Variants in HS3ST5 observed in about 807,000 individuals in gnomAD.
HS3ST5 encodes the protein heparan sulfate-glucosamine 3-sulfotransferase 5, also known as heparan sulfate glucosamine 3-O-sulfotransferase 5.
Under a neutral mutation model 25.4 loss-of-function variants are expected in HS3ST5, and 10 were observed. The observed-to-expected ratio is 0.39, with a 90% CI of 0.24 to 0.67. The LOEUF (loss-of-function observed/expected upper bound fraction) is 0.67. Ranked by LOEUF, HS3ST5 falls within the 30% of genes least tolerant of loss-of-function variation. The pLI is 0.44. For synonymous variants in HS3ST5, 170 were observed against 162.4 expected (o/e 1.05, Z -0.36); for missense variants, 324 against 420.7 (o/e 0.77, Z 2.01).
rs796768 is a variant in HS3ST5, at chr6:114,277,150, G to T, written c.-338-48372C>A. 3.3e-5 allele frequency among the ~76,000 whole-genome samples: 5 copies of T among 151,178 alleles called. No individual in the cohort carries two copies. The East Asian group carries it at 5.9e-4, about 18-fold the overall frequency. On this transcript the variant is annotated intron_variant, in intron 1 of 4. Transcript: ENST00000312719. ...TACCACAAGATTCATGGTTTTTCAG[G>T]TTAACGTTTCAAATATTTGCAGAAT...
chr6:114,180,936 A>G (rs1329297470), intron 2 of HS3ST5, among the ~76,000 whole-genome samples: 1 of 152,218 alleles, frequency 6.6e-6, no homozygotes, highest in Non-Finnish European at 1.5e-5. Flanking sequence ...CTTTAATTGC[A>G]TGATTCACTG....
At chr6:114,307,472 G>T (rs1377886924) in intron 1 of HS3ST5, among the ~76,000 whole-genome samples, 1 of 147,392 alleles carries the variant, frequency 6.8e-6, no homozygotes, top group Non-Finnish European at 1.5e-5. Context: ...TTTTATTGTT[G>T]TATTGCAATT....
intron 1 of HS3ST5, among the ~76,000 whole-genome samples, chr6:114,255,195 T>TA (rs1772849876): frequency 1.3e-5 from 2 of 152,216 alleles, no homozygotes; most frequent in Admixed American, 6.5e-5. Context: ...CTAAAGGCCC[T>TA]ATGCAAGTCT....
chr6:114,117,789 T>A (rs1776602806), intron 3 of HS3ST5, among the ~76,000 whole-genome samples: 1 of 152,144 alleles, frequency 6.6e-6, no homozygotes, highest in Non-Finnish European at 1.5e-5. Context: ...TAATTGGGAA[T>A]TCAGAAATAG....
chr6:114,288,235 T>C (rs953632643), intron 1 of HS3ST5, among the ~76,000 whole-genome samples: 2 of 152,126 alleles, frequency 1.3e-5, no homozygotes, highest in African/African-American at 4.8e-5. Context: ...CCATTAATAG[T>C]GTATCATAAA....
chr6:114,177,256 G>C (rs962268703), intron 2 of HS3ST5, among the ~76,000 whole-genome samples: 1 of 152,172 alleles, frequency 6.6e-6, no homozygotes, highest in Non-Finnish European at 1.5e-5. Flanking sequence ...GGAAATAAAT[G>C]ATATGAAGAA....
At chr6:114,280,085 A>C (rs1175090568) in intron 1 of HS3ST5, among the ~76,000 whole-genome samples, 1 of 151,848 alleles carries the variant, frequency 6.6e-6, no homozygotes, top group Non-Finnish European at 1.5e-5. Flanking sequence ...AGTGATATCT[A>C]AGTGATACCT....
At position 114,057,648 on chromosome 6, in the gene HS3ST5, G is replaced by C; in HGVS notation, c.650C>G (p.Pro217Arg). 1 of 1,614,114 alleles carries C rather than the reference G, an allele frequency of 6.2e-7. No individual in the cohort carries two copies. The highest frequency in any genetic ancestry group is 8.5e-7 in the Non-Finnish European group (1 of 1,180,018). ...YYKFEKLAID[P>R]NTCEVNTKYK... ...TTTTGTGTTCACTTCGCATGTATTA[G>C]GGTCTATGGCCAGCTTCTCAAACTT... Residue 217 changes from proline to arginine, a missense_variant, in exon 5 of 5, where the codon CCT becomes CGT. Physicochemically the swap from Pro to Arg is moderately radical, Grantham distance 103. This residue lies in a region of HS3ST5 where 203 missense variants were observed against 303.4 expected (regional missense o/e 0.67). Coordinates refer to ENST00000312719, the MANE Select transcript of HS3ST5 (RefSeq NM_153612.4).
At chr6:114,207,946 G>T (rs891960206) in intron 2 of HS3ST5, among the ~76,000 whole-genome samples, 7 of 152,098 alleles carry the variant, frequency 4.6e-5, no homozygotes, top group African/African-American at 1.7e-4. Context: ...AAGTATGAGG[G>T]ATCCCTCTTT....
At chr6:114,306,426 G>T (rs867471898) in intron 1 of HS3ST5, among the ~76,000 whole-genome samples, 3 of 150,718 alleles carry the variant, frequency 2.0e-5, no homozygotes, top group Non-Finnish European at 3.0e-5. Flanking sequence ...TTTTTTCACT[G>T]GATTACAAAT....
chr6:114,299,371 G>T (rs982681353), intron 1 of HS3ST5, among the ~76,000 whole-genome samples: 1 of 152,148 alleles, frequency 6.6e-6, no homozygotes, highest in Non-Finnish European at 1.5e-5. Flanking sequence ...TTTTAATTTC[G>T]CCCTGGTCCT....
At chr6:114,231,183 A>G (rs1191238855) in intron 1 of HS3ST5, among the ~76,000 whole-genome samples, 4 of 152,100 alleles carry the variant, frequency 2.6e-5, no homozygotes, top group Non-Finnish European at 4.4e-5. Flanking sequence ...TGGGTTCATA[A>G]CTAAACCCAT....
intron 1 of HS3ST5, among the ~76,000 whole-genome samples, chr6:114,295,492 G>A (rs1439589817): frequency 6.6e-6 from 1 of 152,158 alleles, no homozygotes; most frequent in East Asian, 1.9e-4. Flanking sequence ...CAGATAGGTA[G>A]AGCTTCTTCC....
intron 1 of HS3ST5, among the ~76,000 whole-genome samples, chr6:114,241,640 G>T (rs879419003): frequency 1.3e-5 from 2 of 152,094 alleles, no homozygotes; most frequent in African/African-American, 4.8e-5. Flanking sequence ...CTGCATCTTC[G>T]TTTCCAGACT....
At chr6:114,181,999 T>C (rs1160393203) in intron 2 of HS3ST5, among the ~76,000 whole-genome samples, 1 of 152,106 alleles carries the variant, frequency 6.6e-6, no homozygotes, top group African/African-American at 2.4e-5. Context: ...TATTTTAAGA[T>C]ATGATAATGT....
chr6:114,231,952 G>C (rs891024317), intron 1 of HS3ST5, among the ~76,000 whole-genome samples: 8 of 152,272 alleles, frequency 5.3e-5, no homozygotes, highest in African/African-American at 1.7e-4. Context: ...CTCCTGGAGA[G>C]AGATTTGCTT....
intron 3 of HS3ST5, among the ~76,000 whole-genome samples, chr6:114,104,002 A>G (rs1775871620): frequency 6.6e-6 from 1 of 151,636 alleles, no homozygotes; most frequent in Admixed American, 6.6e-5. Flanking sequence ...TGCCCGGCCT[A>G]TTGTTCTAAT....
chr6:114,208,013 A>T (rs1781351114), intron 2 of HS3ST5, among the ~76,000 whole-genome samples: 1 of 152,192 alleles, frequency 6.6e-6, no homozygotes, highest in African/African-American at 2.4e-5. Context: ...TTAGGCCAAA[A>T]ATATCACTCA....
At chr6:114,197,541 T>C (rs1263677949) in intron 2 of HS3ST5, among the ~76,000 whole-genome samples, 1 of 152,146 alleles carries the variant, frequency 6.6e-6, no homozygotes, top group Non-Finnish European at 1.5e-5. Context: ...GGGTATATTG[T>C]ATAATGCTGA....
Sources: allele counts gnomAD v4.1 joint callset (sites outside exome capture counted in the v4.1 genomes callset), GRCh38; gene constraint gnomAD v4.1.1; regional missense constraint gnomAD v4.1.1; transcripts MANE v1.5; gene names NCBI Gene and HGNC (gene_info 2026-07-23, HGNC 2026-07-21).